GPHN: variants seen among roughly 807,000 people sequenced by gnomAD.
GPHN encodes gephyrin.
Under a neutral mutation model 95.5 loss-of-function variants are expected in GPHN, and 17 were observed. The observed-to-expected ratio is 0.18, with a 90% CI of 0.12 to 0.27. GPHN has a LOEUF of 0.27. Among genes scored for constraint, GPHN ranks in the 10% least tolerant of loss-of-function variants. GPHN has a pLI of 1.00. For synonymous variants in GPHN, 320 were observed against 322.5 expected, an observed-to-expected ratio of 0.99 and a Z score of 0.08; for missense variants, 660 against 978.1, an observed-to-expected ratio of 0.67 and a Z score of 4.34.
intron 8 of GPHN, among the ~76,000 whole-genome samples, chr14:66,947,210 T>C (rs1355976718): frequency 6.6e-6 from 1 of 152,172 alleles, no homozygotes; most frequent in Non-Finnish European, 1.5e-5. Flanking sequence ...GCTGTCCCCA[T>C]TACTTAAAAT....
chr14:67,646,965 A>G, the GPHN span: 1 of 1,612,506 alleles, frequency 6.2e-7, no homozygotes, highest in Non-Finnish European at 8.5e-7. Context: ...TCCATGAGAG[A>G]TATTGATCGA....
chr14:66,693,402 A>T (rs766176810), intron 2 of GPHN, among the ~76,000 whole-genome samples: 14 of 152,214 alleles, frequency 9.2e-5, no homozygotes, highest in Non-Finnish European at 4.4e-5. Context: ...GTTCTCCAAG[A>T]AACAGAACCA....
At chr14:66,923,432 T>C (rs533060204) in intron 7 of GPHN, among the ~76,000 whole-genome samples, 93 of 152,272 alleles carry the variant, frequency 6.1e-4, no homozygotes, top group African/African-American at 2.2e-3. Flanking sequence ...ATTCAAACAT[T>C]GCTTGACACA....
the GPHN span, chr14:67,359,657 C>T: frequency 6.2e-7 from 1 of 1,614,124 alleles, no homozygotes; most frequent in South Asian, 1.1e-5. Context: ...CCTTTACTTA[C>T]ATTCGCGAGG....
intron 12 of GPHN, among the ~76,000 whole-genome samples, chr14:67,098,747 G>A (rs1272850727): frequency 4.6e-5 from 7 of 151,760 alleles, no homozygotes; most frequent in Non-Finnish European, 7.4e-5. Flanking sequence ...GCTTGAACGC[G>A]GGAGGCAGAG....
At chr14:67,702,574 A>C in the GPHN span, among the ~76,000 whole-genome samples, 1 of 152,212 alleles carries the variant, frequency 6.6e-6, no homozygotes, top group Non-Finnish European at 1.5e-5. Context: ...ATGTATGTTG[A>C]CAATTTTGAA....
At chr14:67,404,692 C>T in the GPHN span, among the ~76,000 whole-genome samples, 2 of 151,730 alleles carry the variant, frequency 1.3e-5, no homozygotes, top group African/African-American at 4.8e-5. Flanking sequence ...CACCTGTGGT[C>T]CCAGCCACTC....
rs538121139 is a variant in GPHN, at chr14:67,000,080, A to T, written c.964-23553A>T. Reference sequence around the variant, plus strand: ...GGACTGAAAATTGTGTTTTTATTTAATGCTTAAGAACTTCTAGCTACCTAA... The same window carrying T: ...GGACTGAAAATTGTGTTTTTATTTATTGCTTAAGAACTTCTAGCTACCTAA... On this transcript the variant is annotated intron_variant, in intron 9 of 22. Coordinates refer to ENST00000478722, the MANE Select transcript of GPHN (RefSeq NM_020806.5). Among the ~76,000 whole-genome samples, 7 of 151,914 alleles carry T rather than the reference A, an allele frequency of 4.6e-5. No homozygotes were observed. In the South Asian group the frequency reaches 1.5e-3, roughly 31 times the overall value.
At chr14:67,596,997 T>C in the GPHN span, among the ~76,000 whole-genome samples, 1 of 152,244 alleles carries the variant, frequency 6.6e-6, no homozygotes, top group African/African-American at 2.4e-5. Context: ...TCTTTCTACT[T>C]TTTCATAGTT....
the GPHN span, chr14:67,589,012 C>T: frequency 6.6e-6 from 1 of 152,656 alleles, no homozygotes; most frequent in Admixed American, 6.5e-5. Flanking sequence ...GACATTTCTA[C>T]CTCGAACAAG....
chr14:67,086,854 C>T (rs1277227368), intron 11 of GPHN, among the ~76,000 whole-genome samples: 1 of 150,884 alleles, frequency 6.6e-6, no homozygotes, highest in Non-Finnish European at 1.5e-5. Flanking sequence ...CTGGATAACA[C>T]GGTGAAACCC....
At chr14:66,799,005 T>C (rs569683446) in intron 3 of GPHN, among the ~76,000 whole-genome samples, 1 of 151,884 alleles carries the variant, frequency 6.6e-6, no homozygotes, top group African/African-American at 2.4e-5. Flanking sequence ...GGTTTTGATA[T>C]GTATTGTTTC....
chr14:66,852,372 GA>G (rs1567020679), intron 4 of GPHN, among the ~76,000 whole-genome samples: 1 of 152,106 alleles, frequency 6.6e-6, no homozygotes, highest in African/African-American at 2.4e-5. Flanking sequence ...GTTGAGGAGG[GA>G]AAAAAATGTG....
chr14:67,200,166 T>A, the GPHN span: 1 of 1,159,448 alleles, frequency 8.6e-7, no homozygotes, highest in South Asian at 1.6e-5. Context: ...GTCCTATGCC[T>A]CCACATGGTA....
At chr14:66,883,343 A>G (rs1290514630) in intron 5 of GPHN, among the ~76,000 whole-genome samples, 2 of 151,912 alleles carry the variant, frequency 1.3e-5, no homozygotes, top group Non-Finnish European at 2.9e-5. Flanking sequence ...TTTCAGTTCT[A>G]AATTCTCCAT....
the GPHN span, among the ~76,000 whole-genome samples, chr14:67,518,546 C>T: frequency 6.6e-6 from 1 of 152,230 alleles, no homozygotes; most frequent in African/African-American, 2.4e-5. Flanking sequence ...ATCTCTCTTC[C>T]ACCACCTGGC....
Position 66,578,756 on chromosome 14 carries a change from T to G in GPHN, c.64+70165T>G, listed in dbSNP as rs77098432. Among the ~76,000 whole-genome samples the G allele has an allele frequency of 2.1e-3, 295 of 141,078 alleles. 3 individuals carry two copies. The highest frequency in any genetic ancestry group is 7.4e-3 in the African/African-American group (278 of 37,820). 92.6% of individuals were successfully genotyped at this position (141,078 alleles called of 152,430 possible). On this transcript the variant is annotated intron_variant, in intron 1 of 22. Transcript: ENST00000478722. ...TTGTCCCTCAGAAATGAAGGAGAGA[T>G]AAGGACTTTCCCAGACAAATAAGAA... is the stretch of plus-strand genomic sequence containing the variant.
chr14:66,803,493 T>A (rs2060433120), intron 3 of GPHN, among the ~76,000 whole-genome samples: 1 of 152,190 alleles, frequency 6.6e-6, no homozygotes, highest in African/African-American at 2.4e-5. Context: ...GTGGAGCTTT[T>A]TGTTCCACCA....
At chr14:67,523,060 C>T in the GPHN span, among the ~76,000 whole-genome samples, 1 of 152,188 alleles carries the variant, frequency 6.6e-6, no homozygotes, top group Non-Finnish European at 1.5e-5. Context: ...CGCGGTGGCT[C>T]ATGCCTATAA....
Sources: allele counts gnomAD v4.1 joint callset (sites outside exome capture counted in the v4.1 genomes callset), GRCh38; gene constraint gnomAD v4.1.1; transcripts MANE v1.5; gene names NCBI Gene and HGNC (gene_info 2026-07-23, HGNC 2026-07-21).